Variants in NARS2 observed in about 807,000 individuals in gnomAD.
NARS2 encodes asparaginyl-tRNA synthetase.
Under a neutral mutation model 62.9 loss-of-function variants are expected in NARS2, and 60 were observed. That is an observed-to-expected ratio of 0.95 (90% CI 0.77 to 1.18). NARS2 has a LOEUF of 1.18. NARS2 is among the 50% of genes most tolerant of loss of function. NARS2 has a pLI of 0.00. For missense variants in NARS2, 619 were observed against 576.4 expected, an observed-to-expected ratio of 1.07 and a Z score of -0.76; for synonymous variants, 196 against 200.0, an observed-to-expected ratio of 0.98 and a Z score of 0.17.
Position 78,574,443 on chromosome 11 carries a change from A to C in NARS2, c.46T>G (p.Ser16Ala), listed in dbSNP as rs1281677463. 3.7e-6 allele frequency: 6 copies of C among 1,613,860 alleles called. No homozygotes were observed. In the South Asian group the frequency reaches 5.5e-5, roughly 15 times the overall value. Reference sequence around the variant, plus strand: ...GGTTTGTGCTTGGGGAAGGGGGCGGAGGAACAGAAGCGCACGGACCGCAGC... The same window carrying C: ...GGTTTGTGCTTGGGGAAGGGGGCGGCGGAACAGAAGCGCACGGACCGCAGC... ...CLLRSVRFCS[S>A]APFPKHKPSA... is the part of the protein sequence containing the mutation. Residue 16 changes from serine (S) to alanine (A), a missense_variant, in exon 1 of 14, where the codon TCC becomes GCC. Physicochemically the swap from Ser to Ala is moderately conservative, Grantham distance 99 (BLOSUM62 1). Transcript: ENST00000281038.
At chr11:78,564,010 T>G (rs1274713432) in intron 4 of NARS2, among the ~76,000 whole-genome samples, 2 of 149,360 alleles carry the variant, frequency 1.3e-5, no homozygotes, top group Non-Finnish European at 3.0e-5. Flanking sequence ...CAAGCAATTC[T>G]ACCTCAGCCT....
chr11:78,477,944 C>T (rs1217026940), intron 9 of NARS2, among the ~76,000 whole-genome samples: 1 of 152,148 alleles, frequency 6.6e-6, no homozygotes, highest in Non-Finnish European at 1.5e-5. Flanking sequence ...ACACACCCCG[C>T]CCTCAAACGT....
At chr11:78,534,399 C>T (rs1861591855) in intron 5 of NARS2, among the ~76,000 whole-genome samples, 1 of 152,180 alleles carries the variant, frequency 6.6e-6, no homozygotes, top group South Asian at 2.1e-4. Context: ...TCATACACTA[C>T]TACCTTCAGC....
At chr11:78,513,798 A>G (rs1860804930) in intron 6 of NARS2, among the ~76,000 whole-genome samples, 1 of 152,078 alleles carries the variant, frequency 6.6e-6, no homozygotes, top group Non-Finnish European at 1.5e-5. Flanking sequence ...CTCTGCCCCA[A>G]TCTCATGTTG....
At chr11:78,536,168 A>T (rs1855331067) in intron 5 of NARS2, among the ~76,000 whole-genome samples, 1 of 152,194 alleles carries the variant, frequency 6.6e-6, no homozygotes, top group Non-Finnish European at 1.5e-5. Flanking sequence ...TTACTCACGT[A>T]TTTGTGGTGA....
intron 2 of NARS2, among the ~76,000 whole-genome samples, chr11:78,569,824 G>A (rs1341901140): frequency 6.6e-6 from 1 of 152,088 alleles, no homozygotes; most frequent in Non-Finnish European, 1.5e-5. Flanking sequence ...CTAAAATCTA[G>A]GTCCCATTAG....
At position 78,574,358 on chromosome 11, in the gene NARS2, A is replaced by G; in HGVS notation, c.131T>C (p.Ile44Thr). 6.2e-7 allele frequency: 1 copy of G among 1,614,170 alleles called. No homozygotes were observed. The highest frequency in any genetic ancestry group is 8.5e-7 in the Non-Finnish European group (1 of 1,180,006). The change falls in exon 1 of 14, where the codon ATT (isoleucine) becomes ACT (threonine). Residue 44 changes from isoleucine to threonine, a missense_variant. By Grantham distance (89) the Ile-to-Thr change is moderately conservative. Coordinates refer to ENST00000281038, the MANE Select transcript of NARS2 (RefSeq NM_024678.6). ...TTCCCATTCACCAACCTGGATCTTA[A>G]TGCGCTCCCCACTCGCGTTCTGAGC... Reference protein sequence around the residue: ...LGAQNASGERIKIQGWIRSVR... With the variant: ...LGAQNASGERTKIQGWIRSVR...
chr11:78,556,080 T>C (rs763751789), intron 5 of NARS2, among the ~76,000 whole-genome samples: 4 of 152,174 alleles, frequency 2.6e-5, no homozygotes, highest in East Asian at 3.8e-4. Context: ...TTGTTGAAGA[T>C]TGTTTTATAT....
intron 13 of NARS2, among the ~76,000 whole-genome samples, chr11:78,440,652 C>T (rs907113657): frequency 6.6e-6 from 1 of 152,036 alleles, no homozygotes; most frequent in South Asian, 2.1e-4. Context: ...CCTGCCTCAG[C>T]CTCCCAAGTA....
intron 5 of NARS2, among the ~76,000 whole-genome samples, chr11:78,544,092 C>T (rs1289420198): frequency 6.7e-6 from 1 of 148,212 alleles, no homozygotes; most frequent in Admixed American, 6.7e-5. Context: ...ACAATTTCAA[C>T]TCCTGTGTAA....
intron 5 of NARS2, among the ~76,000 whole-genome samples, chr11:78,537,853 T>A (rs1171405634): frequency 6.6e-6 from 1 of 152,244 alleles, no homozygotes; most frequent in Non-Finnish European, 1.5e-5. Context: ...TTTGTCTGAC[T>A]TAATTATCAC....
rs537185862 is a variant in NARS2 at position 78,505,607 on chromosome 11, C to G, written c.690-12412G>C. On this transcript the variant is annotated intron_variant, in intron 6 of 13. Transcript: ENST00000281038. ...TAGCTATCTGTCTGTATCTTATCAT[C>G]ATTATCTACCTGAAGTCATATTGAT... Among the ~76,000 whole-genome samples, 6 of 152,214 alleles carry G rather than the reference C, an allele frequency of 3.9e-5. No homozygotes were observed. In the East Asian group the frequency reaches 1.2e-3, roughly 29 times the overall value.
intron 5 of NARS2, among the ~76,000 whole-genome samples, chr11:78,538,067 G>C (rs555695620): frequency 2.6e-5 from 4 of 152,240 alleles, no homozygotes; most frequent in South Asian, 4.2e-4. Context: ...TCCTGCCCTG[G>C]ACATGAATCA....
At chr11:78,460,510 G>A (rs955081526) in intron 11 of NARS2, among the ~76,000 whole-genome samples, 1 of 152,170 alleles carries the variant, frequency 6.6e-6, no homozygotes, top group Non-Finnish European at 1.5e-5. Flanking sequence ...AGTCTAGGCA[G>A]TATCTTAATC....
intron 6 of NARS2, among the ~76,000 whole-genome samples, chr11:78,527,341 T>A (rs192624189): frequency 4.7e-4 from 71 of 152,330 alleles, no homozygotes; most frequent in African/African-American, 1.2e-3. Context: ...TTAATTTTTT[T>A]AAATTATAAT....
chr11:78,487,739 C>T (rs1183604157), intron 7 of NARS2, among the ~76,000 whole-genome samples: 1 of 151,888 alleles, frequency 6.6e-6, no homozygotes, highest in Admixed American at 6.6e-5. Context: ...AAAAACAATT[C>T]AAGACTGGAT....
rs762479722 is a variant in NARS2 at position 78,465,908 on chromosome 11, T to C, written c.1132A>G (p.Met378Val). 8 of 1,614,152 alleles carry C rather than the reference T, an allele frequency of 5.0e-6. No individual in the cohort carries two copies. Among genetic ancestry groups the C allele is most frequent in the Admixed American group, 1.7e-5 (1 of 60,030 alleles). Reference sequence around the variant, plus strand: ...TGAGGGCCATCTTCATTATCCCTCATGTAGAAAGGCTTGAGTGTTAATGGA... The same window carrying C: ...TGAGGGCCATCTTCATTATCCCTCACGTAGAAAGGCTTGAGTGTTAATGGA... ...NYPLTLKPFYMRDNEDGPQHT... is the reference protein window; with the variant it reads ...NYPLTLKPFYVRDNEDGPQHT... The change falls in exon 11 of 14, where the codon ATG (methionine) becomes GTG (valine). Residue 378 changes from methionine (M) to valine (V), a missense_variant. Transcript: ENST00000281038.
intron 1 of NARS2, 85 bp downstream of exon 1, chr11:78,574,263 C>T: frequency 6.4e-7 from 1 of 1,567,976 alleles, no homozygotes; most frequent in Non-Finnish European, 8.8e-7. Flanking sequence ...TTGTGTCTGA[C>T]CCGACTGTAA....
chr11:78,557,525 C>G (rs552146072), intron 5 of NARS2, among the ~76,000 whole-genome samples: 1 of 152,252 alleles, frequency 6.6e-6, no homozygotes, highest in African/African-American at 2.4e-5. Flanking sequence ...AGCATAAAAG[C>G]CAGATAGCAC....
Sources: allele counts gnomAD v4.1 joint callset (sites outside exome capture counted in the v4.1 genomes callset), GRCh38; gene constraint gnomAD v4.1.1; transcripts MANE v1.5; gene names NCBI Gene and HGNC (gene_info 2026-07-23, HGNC 2026-07-21).